Variants in PTK7 observed in about 807,000 individuals in gnomAD.
PTK7 encodes protein tyrosine kinase 7 (inactive).
A neutral mutation model predicts 116.6 loss-of-function variants in PTK7; 39 were observed. That is an observed-to-expected ratio of 0.33 (90% CI 0.26 to 0.44). The LOEUF is 0.44. Ranked by LOEUF, PTK7 falls within the 20% of genes least tolerant of loss-of-function variation. The probability of loss-of-function intolerance (pLI) is 1.00; values close to 1 mark genes in which losing one functional copy is unlikely to be tolerated. For missense variants in PTK7, 1,169 were observed against 1,425.6 expected, an observed-to-expected ratio of 0.82 and a Z score of 2.90; for synonymous variants, 546 against 563.6, an observed-to-expected ratio of 0.97 and a Z score of 0.44.
chr6:43,134,228 G>A (rs146126528), intron 7 of PTK7, among the ~76,000 whole-genome samples: 164 of 152,150 alleles, frequency 1.1e-3, no homozygotes, highest in African/African-American at 3.6e-3. Flanking sequence ...TAGTAGAGGC[G>A]ATGTTTTACC....
rs756652293 is a variant in PTK7 at position 43,129,716 on chromosome 6, C to T, written c.368-11C>T. On this transcript the variant is annotated splice_polypyrimidine_tract_variant and intron_variant, in intron 2 of 19. Coordinates refer to ENST00000230419, the MANE Select transcript of PTK7 (RefSeq NM_002821.5). The surrounding 1 kb of genome is among the most constrained non-coding windows in gnomAD (Gnocchi z 4.5). ...CTCTGCCCCTCACTGCAACCGTGGC[C>T]TCTGCTACAGGGATTGAGGCAGGTC... 21 of 1,613,360 alleles carry T rather than the reference C, an allele frequency of 1.3e-5. No homozygotes were observed. The South Asian group carries it at 2.3e-4, about 18-fold the overall frequency.
At position 43,129,962 on chromosome 6, in the gene PTK7, C is replaced by G. The variant is rs1253146635; in HGVS notation, c.470+133C>G. ...GTTCCACCACCACAGTGCTCTTCAC[C>G]CTGCCCTCCCCCAGATATTGCCCTA... is the stretch of plus-strand genomic sequence containing the variant. On this transcript the variant is annotated intron_variant, in intron 3 of 19. Coordinates refer to ENST00000230419, the MANE Select transcript of PTK7 (RefSeq NM_002821.5). This position sits in a 1 kb window ranked among gnomAD's most constrained non-coding sequence, Gnocchi z 4.5. 2.0e-5 allele frequency: 19 copies of G among 950,252 alleles called. No individual in the cohort carries two copies. In the Admixed American group the frequency reaches 3.3e-4, roughly 17 times the overall value. The allele number at this position is 950,252 out of a possible 1,614,324, so 58.9% of individuals were successfully genotyped here.
intron 1 of PTK7, among the ~76,000 whole-genome samples, chr6:43,096,536 T>C (rs955295887): frequency 6.6e-6 from 1 of 152,176 alleles, no homozygotes; most frequent in African/African-American, 2.4e-5. Context: ...AAATACCTTT[T>C]GTTTTTCCTG....
At chr6:43,157,697 G>A (rs978820300) in intron 17 of PTK7, among the ~76,000 whole-genome samples, 5 of 151,662 alleles carry the variant, frequency 3.3e-5, no homozygotes, top group Admixed American at 2.0e-4. Context: ...CCTGGGCAAC[G>A]TAGCTAGACA....
chr6:43,136,487 G>C (rs1278475587), intron 7 of PTK7, among the ~76,000 whole-genome samples: 2 of 152,204 alleles, frequency 1.3e-5, no homozygotes, highest in South Asian at 4.1e-4. Context: ...TGATGGGTGA[G>C]CTGGCCTGGT....
chr6:43,129,006 C>T lies in PTK7; in HGVS notation c.109C>T (p.Gln37Ter), dbSNP rs1012736063. 6.2e-7 allele frequency: 1 copy of T among 1,611,772 alleles called. No homozygotes were observed. Residue 37 changes from glutamine to a stop codon, truncating the protein, a stop_gained, in exon 2 of 20, where the codon CAG becomes TAG. Coordinates refer to ENST00000230419, the MANE Select transcript of PTK7 (RefSeq NM_002821.5). LOFTEE classifies it high-confidence loss of function. This position sits in a 1 kb window ranked among gnomAD's most constrained non-coding sequence, Gnocchi z 4.5. ...GTQTAIVFIK[Q>*]PSSQDALQGR... Reference sequence around the variant, plus strand: ...CCAGACAGCCATTGTCTTCATCAAGCAGCCGTCCTCCCAGGATGCACTGCA... The same window carrying T: ...CCAGACAGCCATTGTCTTCATCAAGTAGCCGTCCTCCCAGGATGCACTGCA...
At chr6:43,153,611 A>G (rs932786627) in intron 17 of PTK7, among the ~76,000 whole-genome samples, 1 of 152,158 alleles carries the variant, frequency 6.6e-6, no homozygotes, top group African/African-American at 2.4e-5. Context: ...GGGTCTCACT[A>G]TGTTGCCCAG....
chr6:43,115,609 CT>C (rs1465901016), intron 1 of PTK7, among the ~76,000 whole-genome samples: 4 of 152,026 alleles, frequency 2.6e-5, no homozygotes, highest in Admixed American at 6.6e-5. Flanking sequence ...GCGAGGAGAG[CT>C]TTGGATGGCA....
At chr6:43,131,031 A>T (rs1048340831) in intron 5 of PTK7, among the ~76,000 whole-genome samples, 3 of 56,304 alleles carry the variant, frequency 5.3e-5, no homozygotes, top group Non-Finnish European at 1.1e-4. Context: ...CAAAGACATC[A>T]CACACACACA....
intron 1 of PTK7, among the ~76,000 whole-genome samples, chr6:43,113,235 C>G (rs943151324): frequency 6.6e-6 from 1 of 152,072 alleles, no homozygotes; most frequent in Non-Finnish European, 1.5e-5. Context: ...AGTTTGAGTT[C>G]GAGCCTAGCC....
intron 1 of PTK7, among the ~76,000 whole-genome samples, chr6:43,116,643 T>TGC (rs1204251670): frequency 2.4e-4 from 21 of 86,996 alleles, no homozygotes; most frequent in African/African-American, 9.9e-4. Flanking sequence ...TGTGTGTGTG[T>TGC]GTGTGTGTGC....
In PTK7 at chr6:43,142,188, A is replaced by G; in HGVS notation, c.1936A>G (p.Asn646Asp). The change falls in exon 13 of 20, where the codon AAT (asparagine) becomes GAT (aspartate). Residue 646 changes from asparagine (N) to aspartate (D), a missense_variant. By Grantham distance (23) the Asn-to-Asp change is conservative. Coordinates refer to ENST00000230419, the MANE Select transcript of PTK7 (RefSeq NM_002821.5). Reference sequence around the variant, plus strand: ...CCCCGACAGGATGCACATCTTCCAGAATGGCTCCCTGGTGATCCATGACGT... The same window carrying G: ...CCCCGACAGGATGCACATCTTCCAGGATGGCTCCCTGGTGATCCATGACGT... ...KLGPRMHIFQNGSLVIHDVAP... is the reference protein window; with the variant it reads ...KLGPRMHIFQDGSLVIHDVAP... 1.2e-6 allele frequency: 2 copies of G among 1,614,048 alleles called. No individual in the cohort carries two copies. Among genetic ancestry groups the G allele is most frequent in the Non-Finnish European group, 1.7e-6 (2 of 1,180,006 alleles).
At chr6:43,152,738 TG>T (rs1771196204) in intron 17 of PTK7, among the ~76,000 whole-genome samples, 1 of 53,244 alleles carries the variant, frequency 1.9e-5, no homozygotes, top group Non-Finnish European at 3.4e-5. Flanking sequence ...ATTTTATTTA[TG>T]TTATGTTATG....
At chr6:43,084,524 A>G (rs1387428531) in intron 1 of PTK7, among the ~76,000 whole-genome samples, 1 of 152,192 alleles carries the variant, frequency 6.6e-6, no homozygotes, top group Non-Finnish European at 1.5e-5. Context: ...CATAAGGAGA[A>G]TTTATCAGTC....
chr6:43,100,333 A>G (rs919438228), intron 1 of PTK7, among the ~76,000 whole-genome samples: 1 of 151,616 alleles, frequency 6.6e-6, no homozygotes, highest in African/African-American at 2.4e-5. Flanking sequence ...CAGTGAGCTG[A>G]GATCACACCA....
At chr6:43,140,489 C>T (rs1241273372) in intron 10 of PTK7, among the ~76,000 whole-genome samples, 2 of 151,202 alleles carry the variant, frequency 1.3e-5, no homozygotes, top group African/African-American at 2.4e-5. Context: ...AAAAAATGTA[C>T]AGTCCTGCCG....
intron 17 of PTK7, among the ~76,000 whole-genome samples, chr6:43,148,194 G>A (rs1489472610): frequency 6.6e-6 from 1 of 151,912 alleles, no homozygotes; most frequent in African/African-American, 2.4e-5. Context: ...TCGAGGCTGC[G>A]GTGAGCCATG....
Position 43,132,492 on chromosome 6 carries a change from C to T in PTK7, c.1033C>T (p.Pro345Ser). Reference protein sequence around the residue: ...AGSEERVTCLPPKGLPEPSVW... With the variant: ...AGSEERVTCLSPKGLPEPSVW... ...CAGCGAGGAGCGTGTGACCTGCCTT[C>T]CCCCCAAGGGTCTGCCAGAGCCCAG... Residue 345 changes from proline (P) to serine (S), a missense_variant, in exon 7 of 20, where the codon CCC becomes TCC. Physicochemically the swap from Pro to Ser is moderately conservative, Grantham distance 74 (BLOSUM62 -1). Transcript: ENST00000230419. 1.2e-6 allele frequency: 2 copies of T among 1,605,228 alleles called. No individual in the cohort carries two copies. The highest frequency in any genetic ancestry group is 8.5e-7 in the Non-Finnish European group (1 of 1,173,176).
rs771892120 is a variant in PTK7 at position 43,143,446 on chromosome 6, C to G, written c.2077C>G (p.Pro693Ala). 1.2e-6 allele frequency: 2 copies of G among 1,613,968 alleles called. No homozygotes were observed. The highest frequency in any genetic ancestry group is 3.3e-5 in the Admixed American group (2 of 59,994). The change falls in exon 14 of 20, where the codon CCT becomes GCT. Residue 693 changes from proline to alanine, a missense_variant. By Grantham distance (27) the Pro-to-Ala change is conservative. Transcript: ENST00000230419. This position sits in a 1 kb window ranked among gnomAD's most constrained non-coding sequence, Gnocchi z 4.2. ...DKPVPEESEG[P>A]GSPPPYKMIQ... is the part of the protein sequence containing the mutation. ...GCCTGTGCCGGAGGAGTCGGAGGGC[C>G]CTGGCAGCCCTCCCCCCTACAAGAT...
Sources: gnomAD v4.1 joint callset for allele counts (sites outside exome capture counted in the v4.1 genomes callset) on GRCh38, gnomAD v4.1.1 for gene constraint, Gnocchi (gnomAD v3.1) non-coding constraint, MANE v1.5 for transcripts, NCBI Gene and HGNC (gene_info 2026-07-23, HGNC 2026-07-21) for gene names.